Variants in LRIF1 observed in about 807,000 individuals in gnomAD.
LRIF1 encodes the protein ligand dependent nuclear receptor interacting factor 1, also known as ligand-dependent nuclear receptor-interacting factor 1.
In LRIF1, 32 loss-of-function variants were observed where a neutral mutation model predicts 52.7. That is an observed-to-expected ratio of 0.61 (90% CI 0.46 to 0.82). The LOEUF is 0.82. Among genes scored for constraint, LRIF1 ranks in the 40% least tolerant of loss-of-function variants. The probability of loss-of-function intolerance (pLI) is 0.00; values close to 1 mark genes in which losing one functional copy is unlikely to be tolerated. For missense variants in LRIF1, 887 were observed against 892.0 expected, an observed-to-expected ratio of 0.99 and a Z score of 0.07; for synonymous variants, 323 against 317.4, an observed-to-expected ratio of 1.02 and a Z score of -0.19.
chr1:110,894,781 T>TGCCA, the LRIF1 span, among the ~76,000 whole-genome samples: 3 of 152,222 alleles, frequency 2.0e-5, no homozygotes, highest in African/African-American at 7.2e-5. Flanking sequence ...CTTCCTTCAA[T>TGCCA]GCCACCTCAT....
chr1:110,963,772 A>AG lies in LRIF1; in HGVS notation c.-85dup, dbSNP rs1659067602. 8.7e-7 allele frequency: 1 copy of AG among 1,146,696 alleles called. No individual in the cohort carries two copies. Among genetic ancestry groups the AG allele is most frequent in the Non-Finnish European group, 1.3e-6 (1 of 787,902 alleles). 71.0% of individuals were successfully genotyped at this position (1,146,696 alleles called of 1,614,324 possible). ...TCCCAATGGGGCGAGAACCAGAGCGAGGGAATGTTGGGCTGGAGTTGCCCA... is the reference window on the plus strand; with the variant it reads ...TCCCAATGGGGCGAGAACCAGAGCGAGGGGAATGTTGGGCTGGAGTTGCCCA... On this transcript the variant is annotated 5_prime_UTR_variant, in exon 1 of 4. Coordinates refer to ENST00000369763, the MANE Select transcript of LRIF1 (RefSeq NM_018372.4).
At chr1:110,882,474 G>A in the LRIF1 span, among the ~76,000 whole-genome samples, 4 of 151,798 alleles carry the variant, frequency 2.6e-5, no homozygotes. Context: ...TATTGTTGTA[G>A]TTTTATAGAA....
chr1:110,938,787 T>C, the LRIF1 span: 2 of 152,192 alleles, frequency 1.3e-5, no homozygotes, highest in Non-Finnish European at 1.5e-5. Flanking sequence ...TTGCAGATGA[T>C]ATGATCTTAT....
chr1:110,933,618 C>G, the LRIF1 span, among the ~76,000 whole-genome samples: 1 of 152,090 alleles, frequency 6.6e-6, no homozygotes, highest in African/African-American at 2.4e-5. Context: ...CACCTGATGC[C>G]CACCCATGGA....
At chr1:110,942,590 T>C (rs533271650), downstream of LRIF1, among the ~76,000 whole-genome samples, 2 of 152,222 alleles carry the variant, frequency 1.3e-5, no homozygotes, top group East Asian at 3.9e-4. Flanking sequence ...GTAGAGGTGG[T>C]GAGCAATGGT....
At chr1:110,917,439 AT>A in the LRIF1 span, among the ~76,000 whole-genome samples, 2 of 152,208 alleles carry the variant, frequency 1.3e-5, no homozygotes, top group Non-Finnish European at 2.9e-5. Context: ...GTATTTGTAT[AT>A]TCAAGTGCAT....
chr1:110,922,480 A>T, the LRIF1 span, among the ~76,000 whole-genome samples: 4 of 152,220 alleles, frequency 2.6e-5, no homozygotes, highest in African/African-American at 4.8e-5. Context: ...AGTTTCAGAT[A>T]TTCTGTTATA....
chr1:110,911,807 C>A, the LRIF1 span, among the ~76,000 whole-genome samples: 1 of 152,118 alleles, frequency 6.6e-6, no homozygotes, highest in Non-Finnish European at 1.5e-5. Flanking sequence ...AATTAACACC[C>A]CTTCATATTA....
chr1:110,948,503 T>C, intron 3 of LRIF1, 104 bp from the exon 4 acceptor site: 2 of 1,441,656 alleles, frequency 1.4e-6, no homozygotes, highest in South Asian at 1.5e-5. Flanking sequence ...TATCTAGCTA[T>C]TACAATTAAC....
At chr1:110,934,864 G>C in the LRIF1 span, among the ~76,000 whole-genome samples, 1 of 152,138 alleles carries the variant, frequency 6.6e-6, no homozygotes, top group Non-Finnish European at 1.5e-5. Context: ...AATAGCCAGG[G>C]GGTAGTATCT....
the LRIF1 span, chr1:110,899,025 G>A: frequency 1.2e-6 from 1 of 841,384 alleles, no homozygotes; most frequent in African/African-American, 1.7e-5. Context: ...TGGTTTCAGT[G>A]TAATGGATAC....
chr1:110,888,050 G>A, the LRIF1 span, among the ~76,000 whole-genome samples: 4,244 of 152,220 alleles, frequency 0.028, 213 homozygotes, highest in African/African-American at 0.097. Context: ...ACAAAAGCAA[G>A]AAGTTGCACG....
chr1:110,917,008 T>C, the LRIF1 span, among the ~76,000 whole-genome samples: 1 of 152,224 alleles, frequency 6.6e-6, no homozygotes, highest in African/African-American at 2.4e-5. Context: ...GCAGTCATGT[T>C]TTTTACACTA....
chr1:110,875,837 G>T, the LRIF1 span, among the ~76,000 whole-genome samples: 1 of 152,202 alleles, frequency 6.6e-6, no homozygotes, highest in Non-Finnish European at 1.5e-5. Context: ...TTTTGGGAAA[G>T]AGAAAGACAT....
At chr1:110,917,162 A>T in the LRIF1 span, among the ~76,000 whole-genome samples, 1 of 152,206 alleles carries the variant, frequency 6.6e-6, no homozygotes, top group African/African-American at 2.4e-5. Context: ...GCATCAGGAC[A>T]AAGTTTCTCC....
the LRIF1 span, chr1:110,891,276 G>A: frequency 1.4e-6 from 1 of 726,084 alleles, no homozygotes; most frequent in Non-Finnish European, 2.4e-6. Flanking sequence ...ACTTTCCAGA[G>A]GAGAGCCACA....
rs756735360 is a variant in LRIF1, at chr1:110,948,121, T to C, written c.2148A>G (p.Gln716=). ...GTLNSNAAYE[Q]SHFFNKNYTE... ...TATAATTTTTATTGAAGAAATGACTTTGTTCATAAGCTGCATTTGAATTCA... is the reference window on the plus strand; with the variant it reads ...TATAATTTTTATTGAAGAAATGACTCTGTTCATAAGCTGCATTTGAATTCA... Residue 716 remains glutamine, a synonymous_variant, in exon 4 of 4, where the codon CAA becomes CAG. Transcript: ENST00000369763. 1.2e-6 allele frequency: 2 copies of C among 1,614,134 alleles called. No homozygotes were observed. Among genetic ancestry groups the C allele is most frequent in the South Asian group, 2.2e-5 (2 of 91,080 alleles).
chr1:110,904,962 T>A, the LRIF1 span, among the ~76,000 whole-genome samples: 12 of 152,154 alleles, frequency 7.9e-5, no homozygotes, highest in Admixed American at 7.2e-4. Context: ...AAGAATCAAA[T>A]TCTGGAGCTG....
chr1:110,907,909 A>C, the LRIF1 span, among the ~76,000 whole-genome samples: 78,430 of 151,992 alleles, frequency 0.52, 20,563 homozygotes, highest in Middle Eastern at 0.7. Context: ...GAGTTGAACT[A>C]AGATGACATG....
Sources: gnomAD v4.1 joint callset for allele counts (sites outside exome capture counted in the v4.1 genomes callset) on GRCh38, gnomAD v4.1.1 for gene constraint, MANE v1.5 for transcripts, NCBI Gene and HGNC (gene_info 2026-07-23, HGNC 2026-07-21) for gene names.